Variants in SRC observed in about 807,000 individuals in gnomAD.
The protein encoded by SRC is SRC proto-oncogene, non-receptor tyrosine kinase, also known as proto-oncogene tyrosine-protein kinase Src.
Under a neutral mutation model 62.9 loss-of-function variants are expected in SRC, and 13 were observed. The ratio of observed to expected loss-of-function variants is 0.21; its 90% CI spans 0.13 to 0.33. The LOEUF is 0.33. Among genes scored for constraint, SRC ranks in the 10% least tolerant of loss-of-function variants. SRC has a pLI of 1.00. For synonymous variants in SRC, 302 were observed against 317.5 expected, an observed-to-expected ratio of 0.95 and a Z score of 0.52; for missense variants, 457 against 737.3, an observed-to-expected ratio of 0.62 and a Z score of 4.40.
chr20:37,373,207 T>C (rs181310185), intron 2 of SRC, among the ~76,000 whole-genome samples: 45 of 147,102 alleles, frequency 3.1e-4, no homozygotes, highest in African/African-American at 7.8e-4. Flanking sequence ...TGTACATATC[T>C]ACACACATGT....
At chr20:37,390,388 C>CTTTTTTT (rs562064689) in intron 5 of SRC, among the ~76,000 whole-genome samples, 1 of 85,648 alleles carries the variant, frequency 1.2e-5, no homozygotes, top group Non-Finnish European at 2.4e-5. Flanking sequence ...TCTGATCTGG[C>CTTTTTTT]TTTTTTTTTT....
In SRC at chr20:37,365,404, G is replaced by C. The variant is rs2070047880; in HGVS notation, c.-173+127G>C. Reference sequence around the variant, plus strand: ...AAAAGTAAGCCTCTCTCACACCCAGGTCTCCTTGCCAGAGGCAACCACTTG... The same window carrying C: ...AAAAGTAAGCCTCTCTCACACCCAGCTCTCCTTGCCAGAGGCAACCACTTG... On this transcript the variant is annotated intron_variant, in intron 2 of 13. Transcript: ENST00000373578. 4 of 149,360 alleles carry C rather than the reference G, an allele frequency of 2.7e-5. No individual in the cohort carries two copies. In the South Asian group the frequency reaches 8.5e-4, roughly 32 times the overall value. The allele number at this position is 149,360 out of a possible 1,614,324, so 9.3% of individuals were successfully genotyped here. A position where few individuals can be genotyped will look rare whatever the true frequency, so the allele number is the denominator to read the frequency against.
At position 37,351,253 on chromosome 20, in the gene SRC, G is replaced by C. The variant is rs1220630595; in HGVS notation, c.-247+4998G>C. On this transcript the variant is annotated intron_variant, in intron 1 of 13. Transcript: ENST00000373578. The surrounding 1 kb of genome is among the most constrained non-coding windows in gnomAD (Gnocchi z 4.4). ...TCCAGAGTAAAAGGAGAAGCCAGAA[G>C]GGAGGAGAAGTTGAATGATCTTGGC... Among the ~76,000 whole-genome samples, 3 of 152,226 alleles carry C rather than the reference G, an allele frequency of 2.0e-5. No homozygotes were observed. Among genetic ancestry groups the C allele is most frequent in the Admixed American group, 2.0e-4 (3 of 15,292 alleles).
At chr20:37,380,431 A>C (rs770276729) in intron 2 of SRC, among the ~76,000 whole-genome samples, 7 of 152,178 alleles carry the variant, frequency 4.6e-5, no homozygotes, top group Non-Finnish European at 8.8e-5. Flanking sequence ...AGACATGATT[A>C]GTATTTACCT....
Position 37,403,206 on chromosome 20 carries a change from C to A in SRC, c.1438C>A (p.Arg480=), listed in dbSNP as rs1479989919. Residue 480 remains arginine, a synonymous_variant, in exon 14 of 14, where the codon CGG becomes AGG. Transcript: ENST00000373578. The surrounding 1 kb of genome is among the most constrained non-coding windows in gnomAD (Gnocchi z 7.1). ...VNREVLDQVE[R]GYRMPCPPEC... ...CCGCGAGGTGCTGGACCAGGTGGAGCGGGGCTACCGGATGCCCTGCCCGCC... is the reference window on the plus strand; with the variant it reads ...CCGCGAGGTGCTGGACCAGGTGGAGAGGGGCTACCGGATGCCCTGCCCGCC... 6.4e-7 allele frequency: 1 copy of A among 1,563,676 alleles called. No individual in the cohort carries two copies. Among genetic ancestry groups the A allele is most frequent in the African/African-American group, 1.4e-5 (1 of 73,968 alleles).
At chr20:37,378,750 G>C (rs1430076243) in intron 2 of SRC, among the ~76,000 whole-genome samples, 1 of 152,186 alleles carries the variant, frequency 6.6e-6, no homozygotes, top group Non-Finnish European at 1.5e-5. Context: ...TTACAGAGCC[G>C]CCTCTGGCTG....
At chr20:37,375,045 C>G (rs1315036602) in intron 2 of SRC, among the ~76,000 whole-genome samples, 1 of 151,740 alleles carries the variant, frequency 6.6e-6, no homozygotes, top group African/African-American at 2.4e-5. Context: ...ATTCTCCTGC[C>G]TCAGCCTCTC....
Position 37,400,397 on chromosome 20 carries a change from G to A in SRC, c.1039+103G>A, listed in dbSNP as rs1185065064. 5.4e-6 allele frequency: 6 copies of A among 1,108,744 alleles called. No individual in the cohort carries two copies. In the South Asian group the frequency reaches 1.1e-4, roughly 20 times the overall value. 68.7% of individuals were successfully genotyped at this position (1,108,744 alleles called of 1,614,324 possible). A position where few individuals can be genotyped will look rare whatever the true frequency, so the allele number is the denominator to read the frequency against. ...GTCTAGAATGGGCATCTTCAAAGGT[G>A]GAATGCAGTAGAGCCAAATTCTCTG... On this transcript the variant is annotated intron_variant, in intron 10 of 13. Transcript: ENST00000373578.
intron 1 of SRC, among the ~76,000 whole-genome samples, chr20:37,350,553 A>G (rs1024741141): frequency 6.6e-6 from 1 of 152,200 alleles, no homozygotes; most frequent in African/African-American, 2.4e-5. Flanking sequence ...CCTGTGTTCA[A>G]GGCCTCATTC....
chr20:37,383,505 A>G (rs2070394857), intron 3 of SRC, among the ~76,000 whole-genome samples: 1 of 152,074 alleles, frequency 6.6e-6, no homozygotes, highest in South Asian at 2.1e-4. Context: ...GGCGTGGCTC[A>G]GATACTGTCC....
chr20:37,368,717 T>TA (rs1347249658), intron 2 of SRC, among the ~76,000 whole-genome samples: 1 of 150,920 alleles, frequency 6.6e-6, no homozygotes, highest in Non-Finnish European at 1.5e-5. Context: ...TACGCCCGGC[T>TA]ATTTTTTGTA....
intron 2 of SRC, among the ~76,000 whole-genome samples, chr20:37,370,587 A>G (rs1357537872): frequency 6.6e-6 from 1 of 152,228 alleles, no homozygotes; most frequent in African/African-American, 2.4e-5. Context: ...AAAAAAAGTT[A>G]AACCGACTTT....
Position 37,403,988 on chromosome 20 carries a change from C to T in SRC, c.*609C>T. 4.2e-6 allele frequency: 1 copy of T among 236,968 alleles called. No individual in the cohort carries two copies. The highest frequency in any genetic ancestry group is 6.0e-5 in the East Asian group (1 of 16,656). The allele number at this position is 236,968 out of a possible 1,614,324, so 14.7% of individuals were successfully genotyped here. A position where few individuals can be genotyped will look rare whatever the true frequency, so the allele number is the denominator to read the frequency against. ...GGATGAGTACCCCCTCAAACCCTGC[C>T]CTCCTTAGACCTGAGGGACCCTTCG... On this transcript the variant is annotated 3_prime_UTR_variant, in exon 14 of 14. Transcript: ENST00000373578. This position sits in a 1 kb window ranked among gnomAD's most constrained non-coding sequence, Gnocchi z 7.1.
Position 37,384,431 on chromosome 20 carries a change from C to T in SRC, c.250+28C>T. ...CAGTGCGCGGGCGGCGCGGGGTCCT[C>T]GCCCACCTGGGGCCACGGCGGGGAG... On this transcript the variant is annotated intron_variant, in intron 4 of 13. Coordinates refer to ENST00000373578, the MANE Select transcript of SRC (RefSeq NM_198291.3). This position sits in a 1 kb window ranked among gnomAD's most constrained non-coding sequence, Gnocchi z 6.7. 10 of 1,322,530 alleles carry T rather than the reference C, an allele frequency of 7.6e-6. No homozygotes were observed. The highest frequency in any genetic ancestry group is 9.6e-6 in the Non-Finnish European group (10 of 1,045,396). The allele number at this position is 1,322,530 out of a possible 1,614,324, so 81.9% of individuals were successfully genotyped here.
At chr20:37,362,179 T>G (rs1457786966) in intron 1 of SRC, among the ~76,000 whole-genome samples, 4 of 152,068 alleles carry the variant, frequency 2.6e-5, no homozygotes, top group African/African-American at 4.8e-5. Context: ...CTCGGCTTCC[T>G]GAGTAGCTGG....
Position 37,384,130 on chromosome 20 carries a change from TC to T in SRC, c.-4-19del, listed in dbSNP as rs747384180. 6 of 1,597,350 alleles carry T rather than the reference TC, an allele frequency of 3.8e-6. No individual in the cohort carries two copies. In the South Asian group the frequency reaches 6.6e-5, roughly 18 times the overall value. On this transcript the variant is annotated intron_variant, in intron 3 of 13. Coordinates refer to ENST00000373578, the MANE Select transcript of SRC (RefSeq NM_198291.3). This position sits in a 1 kb window ranked among gnomAD's most constrained non-coding sequence, Gnocchi z 6.7. ...CCCGGCAGCCCTGCCTGTTCCAGTG[TC>T]TTCTCTCTCTCCTGCCAGGACCATG...
chr20:37,384,284 C>T lies in SRC; in HGVS notation c.131C>T (p.Ala44Val). The T allele has an allele frequency of 6.6e-7, 1 of 1,507,008 alleles. No individual in the cohort carries two copies. Among genetic ancestry groups the T allele is most frequent in the Non-Finnish European group, 8.8e-7 (1 of 1,136,832 alleles). The allele number at this position is 1,507,008 out of a possible 1,614,324, so 93.4% of individuals were successfully genotyped here. ...CAGACCCCCAGCAAGCCAGCCTCGG[C>T]CGACGGCCACCGCGGCCCCAGCGCG... ...ASQTPSKPAS[A>V]DGHRGPSAAF... is the part of the protein sequence containing the mutation. The change falls in exon 4 of 14, where the codon GCC (alanine) becomes GTC (valine). Residue 44 changes from alanine to valine, a missense_variant. Ala to Val is a moderately conservative substitution (Grantham distance 64, BLOSUM62 0). Transcript: ENST00000373578. This position sits in a 1 kb window ranked among gnomAD's most constrained non-coding sequence, Gnocchi z 6.7.
chr20:37,359,870 G>T (rs568716090), intron 1 of SRC, among the ~76,000 whole-genome samples: 5 of 152,170 alleles, frequency 3.3e-5, no homozygotes, highest in Admixed American at 1.3e-4. Flanking sequence ...CTCAGTCTGG[G>T]CGTAGTTATT....
At chr20:37,346,305 G>T (rs1226234206) in intron 1 of SRC, 50 bp downstream of exon 1, 11 of 149,260 alleles carry the variant, frequency 7.4e-5, no homozygotes, top group African/African-American at 2.7e-4. Context: ...CCAGCGCGGG[G>T]GAGCCCCCGC....
Sources: allele counts gnomAD v4.1 joint callset (sites outside exome capture counted in the v4.1 genomes callset), GRCh38; gene constraint gnomAD v4.1.1; non-coding constraint Gnocchi (gnomAD v3.1); transcripts MANE v1.5; gene names NCBI Gene and HGNC (gene_info 2026-07-23, HGNC 2026-07-21).